Variants in SORBS2 observed in about 807,000 individuals in gnomAD.
SORBS2 encodes the protein sorbin and SH3 domain containing 2, also known as sorbin and SH3 domain-containing protein 2.
SORBS2 carries 46 observed loss-of-function variants against 97.7 expected under a neutral mutation model. That is an observed-to-expected ratio of 0.47 (90% CI 0.37 to 0.60). The LOEUF (loss-of-function observed/expected upper bound fraction) is 0.60. Ranked by LOEUF, SORBS2 falls within the 20% of genes least tolerant of loss-of-function variation. The pLI, the probability that SORBS2 is intolerant of heterozygous loss-of-function variation, is 0.00. For synonymous variants in SORBS2, 476 were observed against 473.4 expected (o/e 1.01, Z -0.07); for missense variants, 1,316 against 1,282.3 (o/e 1.03, Z -0.40).
At chr4:185,687,386 G>C (rs553575561) in intron 2 of SORBS2, among the ~76,000 whole-genome samples, 4 of 152,118 alleles carry the variant, frequency 2.6e-5, no homozygotes, top group African/African-American at 9.6e-5. Flanking sequence ...CGAATTCTAA[G>C]GTCTGAGAAA....
At chr4:185,724,331 TA>T (rs55986616) in intron 2 of SORBS2, among the ~76,000 whole-genome samples, 118,942 of 147,432 alleles carry the variant, frequency 0.81, 47,847 homozygotes, top group East Asian at 0.88. Context: ...CCCAGAGAGT[TA>T]AAAAAAAAAA....
At chr4:185,639,202 G>A (rs892903792) in intron 4 of SORBS2, among the ~76,000 whole-genome samples, 167 bp from the exon 14 acceptor site, 2 of 152,198 alleles carry the variant, frequency 1.3e-5, no homozygotes, top group Admixed American at 1.3e-4. Context: ...GATCCGGGCC[G>A]CTGCGAAGCC....
At chr4:185,602,526 A>G (rs2096286743) in intron 12 of SORBS2, among the ~76,000 whole-genome samples, 1 of 152,242 alleles carries the variant, frequency 6.6e-6, no homozygotes, top group Non-Finnish European at 1.5e-5. Context: ...AACACTTTAA[A>G]GAATGAAATT....
intron 2 of SORBS2, among the ~76,000 whole-genome samples, chr4:185,739,369 C>A (rs551758738): frequency 5.6e-4 from 86 of 152,302 alleles, no homozygotes; most frequent in African/African-American, 1.9e-3. Context: ...TTAACTCTTG[C>A]AAAACCACCA....
At chr4:185,594,101 A>C (rs1361227367) in intron 12 of SORBS2, 166 bp from the exon 25 acceptor site, 3 of 583,270 alleles carry the variant, frequency 5.1e-6, no homozygotes, top group Non-Finnish European at 9.0e-6. Context: ...TTAATAATTA[A>C]AATATTTAAA....
chr4:185,665,748 G>T, intron 4 of SORBS2: 3 of 1,022,552 alleles, frequency 2.9e-6, no homozygotes, highest in Non-Finnish European at 3.5e-6. Context: ...TGGCCGCAGG[G>T]GTGGTTAAGG....
rs575681027 is a variant in SORBS2, at chr4:185,870,629, C to T, written c.-338+85567G>A. ...CGCTCGTTCCTCAGGGGGAACCATG[C>T]GGCTCCGGCTTTGCTCTCTCAGGCA... On this transcript the variant is annotated intron_variant, in intron 1 of 20. Transcript: ENST00000284776. Among the ~76,000 whole-genome samples the T allele has an allele frequency of 2.6e-3, 397 of 152,306 alleles. 16 individuals carry two copies. In the South Asian group the frequency reaches 0.063, roughly 24 times the overall value.
intron 1 of SORBS2, among the ~76,000 whole-genome samples, chr4:185,921,232 C>T (rs1240455042): frequency 6.6e-6 from 1 of 152,202 alleles, no homozygotes; most frequent in Non-Finnish European, 1.5e-5. Context: ...GCTTTAATCT[C>T]TCTCCACTCA....
At chr4:185,626,599 TG>T (rs765962362) in intron 6 of SORBS2, among the ~76,000 whole-genome samples, 1 of 152,184 alleles carries the variant, frequency 6.6e-6, no homozygotes, top group Non-Finnish European at 1.5e-5. Flanking sequence ...GGGATCTATT[TG>T]GGGGAAAAAA....
chr4:185,639,568 T>G (rs906890167), intron 4 of SORBS2, among the ~76,000 whole-genome samples: 9 of 152,216 alleles, frequency 5.9e-5, no homozygotes, highest in Admixed American at 2.0e-4. Context: ...CTGACTAGAT[T>G]GATTTAGGCT....
chr4:185,701,825 A>C (rs912212209), intron 2 of SORBS2, among the ~76,000 whole-genome samples: 9 of 151,064 alleles, frequency 6.0e-5, no homozygotes, highest in African/African-American at 1.9e-4. Flanking sequence ...GCTGGAGTGC[A>C]AGTGGCGTGA....
intron 1 of SORBS2, among the ~76,000 whole-genome samples, chr4:185,894,639 C>T (rs1274192773): frequency 6.6e-6 from 1 of 152,206 alleles, no homozygotes; most frequent in South Asian, 2.1e-4. Context: ...AATTGCTGCA[C>T]TGTCAGAATC....
rs73873314 is a variant in SORBS2 at position 185,704,956 on chromosome 4, T to C, written c.-197-26134A>G. Among the ~76,000 whole-genome samples, 1,142 of 152,286 alleles carry C rather than the reference T, an allele frequency of 7.5e-3. 14 individuals are homozygous for C. The highest frequency in any genetic ancestry group is 0.026 in the African/African-American group (1,089 of 41,558). On this transcript the variant is annotated intron_variant, in intron 2 of 20. Coordinates refer to the SORBS2 transcript ENST00000284776. ...TTGCTTCACTTTCCCATAACAGCAA[T>C]GGATCCGAAATGGATGATGATGTTC...
chr4:185,849,682 G>A (rs1004121580), intron 1 of SORBS2, among the ~76,000 whole-genome samples: 10 of 152,048 alleles, frequency 6.6e-5, no homozygotes, highest in Non-Finnish European at 1.2e-4. Flanking sequence ...CTCTCACAGG[G>A]GCAGGCCTGG....
At chr4:185,800,763 T>G (rs1004590586) in intron 1 of SORBS2, among the ~76,000 whole-genome samples, 6 of 152,134 alleles carry the variant, frequency 3.9e-5, no homozygotes, top group Admixed American at 2.6e-4. Flanking sequence ...CATACTCCAT[T>G]TTCTCCCTAG....
intron 4 of SORBS2, among the ~76,000 whole-genome samples, chr4:185,676,404 G>C (rs1224206866): frequency 6.6e-6 from 1 of 152,196 alleles, no homozygotes; most frequent in Non-Finnish European, 1.5e-5. Flanking sequence ...GATGCTATGA[G>C]AGAATTCTAC....
At chr4:185,872,026 TA>T (rs2099230682) in intron 1 of SORBS2, among the ~76,000 whole-genome samples, 1 of 152,248 alleles carries the variant, frequency 6.6e-6, no homozygotes, top group African/African-American at 2.4e-5. Flanking sequence ...TTTCTCTTTT[TA>T]AAAACTTTAC....
intron 1 of SORBS2, among the ~76,000 whole-genome samples, chr4:185,867,806 C>A (rs1004934276): frequency 1.3e-5 from 2 of 152,116 alleles, no homozygotes; most frequent in African/African-American, 4.8e-5. Flanking sequence ...CTGCTTGTTG[C>A]CATACTTGGC....
At chr4:185,877,379 G>A (rs1248684422) in intron 1 of SORBS2, among the ~76,000 whole-genome samples, 2 of 152,100 alleles carry the variant, frequency 1.3e-5, no homozygotes, top group Non-Finnish European at 2.9e-5. Flanking sequence ...ATGCAGTTAT[G>A]TAACAATTCA....
Sources: allele counts gnomAD v4.1 joint callset (sites outside exome capture counted in the v4.1 genomes callset), GRCh38; gene constraint gnomAD v4.1.1; transcripts MANE v1.5; gene names NCBI Gene and HGNC (gene_info 2026-07-23, HGNC 2026-07-21).